PHF21A: variants seen among roughly 807,000 people sequenced by gnomAD.
The protein encoded by PHF21A is BHC80a.
In PHF21A, 11 loss-of-function variants were observed where a neutral mutation model predicts 82.5. The ratio of observed to expected loss-of-function variants is 0.13; its 90% CI spans 0.08 to 0.22. The LOEUF (loss-of-function observed/expected upper bound fraction) is 0.22. Ranked by LOEUF, PHF21A falls within the 10% of genes least tolerant of loss-of-function variation. The pLI is 1.00. For synonymous variants in PHF21A, 297 were observed against 302.8 expected, an observed-to-expected ratio of 0.98 and a Z score of 0.20; for missense variants, 579 against 837.8, an observed-to-expected ratio of 0.69 and a Z score of 3.81.
chr11:46,064,086 AT>A (rs1257393321), intron 6 of PHF21A, among the ~76,000 whole-genome samples: 2 of 152,196 alleles, frequency 1.3e-5, no homozygotes, highest in Non-Finnish European at 2.9e-5. Context: ...GGGTAAGTTC[AT>A]TTGTGCTTCT....
Position 45,953,569 on chromosome 11 carries a change from G to A in PHF21A, c.1053C>T (p.Thr351=), listed in dbSNP as rs768842505. The change falls in exon 11 of 19, where the codon ACC becomes ACT. Residue 351 remains threonine (T), a synonymous_variant. Coordinates refer to ENST00000676320, the MANE Select transcript of PHF21A (RefSeq NM_001352027.3). ...DEKQTESRTI[T]PPAAPKPKRE... Reference sequence around the variant, plus strand: ...GTTTTGGTTTGGGTGCAGCAGGTGGGGTGATGGTGCGGCTCTCTGTTTGTT... The same window carrying A: ...GTTTTGGTTTGGGTGCAGCAGGTGGAGTGATGGTGCGGCTCTCTGTTTGTT... The A allele has an allele frequency of 3.7e-6, 6 of 1,613,968 alleles. No individual in the cohort carries two copies.
Position 45,945,983 on chromosome 11 carries a change from C to G in PHF21A, c.1309G>C (p.Ala437Pro). The G allele has an allele frequency of 6.2e-7, 1 of 1,613,686 alleles. No individual in the cohort carries two copies. Among genetic ancestry groups the G allele is most frequent in the Admixed American group, 1.7e-5 (1 of 59,986 alleles). Residue 437 changes from alanine to proline, a missense_variant, in exon 15 of 19, where the codon GCA becomes CCA. Ala to Pro is a conservative substitution (Grantham distance 27). Around this residue, in one of 3 missense-constraint regions of PHF21A, gnomAD observed 410 missense variants for 642.1 expected, o/e 0.64. Transcript: ENST00000676320. ...GTAAGGGCTCCAAACCCCAGCACTG[C>G]ATTGTATTTTGGAGGACGACCTATA... Reference protein sequence around the residue: ...RKRGRPPKYNAVLGFGALTPT... With the variant: ...RKRGRPPKYNPVLGFGALTPT...
At chr11:46,018,413 A>G (rs151079931) in intron 6 of PHF21A, among the ~76,000 whole-genome samples, 4 of 152,332 alleles carry the variant, frequency 2.6e-5, no homozygotes, top group Non-Finnish European at 5.9e-5. Context: ...TAGTATTAAC[A>G]CTTAGCCTCT....
At chr11:46,116,505 G>A (rs768192823) in intron 1 of PHF21A, 3 of 150,114 alleles carry the variant, frequency 2.0e-5, no homozygotes, top group Non-Finnish European at 3.0e-5. Flanking sequence ...ATGGAGAAAT[G>A]AAGAAAAACT....
chr11:45,939,295 A>G (rs1024054661), intron 15 of PHF21A, among the ~76,000 whole-genome samples: 1 of 152,252 alleles, frequency 6.6e-6, no homozygotes, highest in East Asian at 1.9e-4. Flanking sequence ...GTGTTTCACA[A>G]TATGATACAA....
intron 1 of PHF21A, among the ~76,000 whole-genome samples, chr11:46,092,747 G>C (rs990708466): frequency 5.0e-5 from 7 of 139,898 alleles, no homozygotes; most frequent in East Asian, 4.0e-4. Context: ...CACATTCTTA[G>C]ATGTGTCTCA....
chr11:45,965,003 TAC>T (rs1375452692), intron 10 of PHF21A, among the ~76,000 whole-genome samples: 1 of 152,224 alleles, frequency 6.6e-6, no homozygotes, highest in Admixed American at 6.5e-5. Context: ...TTCTGTTTAC[TAC>T]CTCATCTGTG....
intron 6 of PHF21A, among the ~76,000 whole-genome samples, chr11:46,072,448 T>C (rs976822382): frequency 1.3e-5 from 2 of 152,224 alleles, no homozygotes; most frequent in African/African-American, 2.4e-5. Context: ...ATGCTGAGAA[T>C]GGCAGAGCAA....
chr11:45,963,211 G>C (rs2093218881), intron 10 of PHF21A, among the ~76,000 whole-genome samples: 1 of 151,952 alleles, frequency 6.6e-6, no homozygotes, highest in Non-Finnish European at 1.5e-5. Flanking sequence ...CCTGAGGTCA[G>C]GAGTCTGAGA....
intron 3 of PHF21A, among the ~76,000 whole-genome samples, chr11:46,085,534 G>C (rs562542900): frequency 4.6e-5 from 7 of 152,174 alleles, no homozygotes; most frequent in East Asian, 3.9e-4. Flanking sequence ...GTCTGTTTTT[G>C]CCTGAATAAA....
intron 1 of PHF21A, among the ~76,000 whole-genome samples, chr11:46,106,797 G>C (rs1473801117): frequency 2.6e-5 from 4 of 152,212 alleles, no homozygotes; most frequent in Non-Finnish European, 5.9e-5. Context: ...GGGAGTAGAA[G>C]CTATCAGGGC....
At chr11:45,965,272 C>T (rs374565849) in intron 10 of PHF21A, 43 bp downstream of exon 10, 13 of 1,573,036 alleles carry the variant, frequency 8.3e-6, no homozygotes, top group Admixed American at 7.0e-5. Context: ...TATGCCTCAA[C>T]GACAAGGCTA....
chr11:46,094,310 T>A (rs1465369543), intron 1 of PHF21A, among the ~76,000 whole-genome samples: 1 of 152,172 alleles, frequency 6.6e-6, no homozygotes, highest in East Asian at 1.9e-4. Flanking sequence ...GTCATGAAAC[T>A]GCTCATAAGA....
At chr11:45,938,526 T>C (rs538358206) in intron 15 of PHF21A, among the ~76,000 whole-genome samples, 2 of 152,142 alleles carry the variant, frequency 1.3e-5, no homozygotes, top group African/African-American at 4.8e-5. Context: ...AGTCCCCCCT[T>C]ATCCTTGGGG....
chr11:46,058,509 T>C (rs893838048), intron 6 of PHF21A, among the ~76,000 whole-genome samples: 35 of 152,218 alleles, frequency 2.3e-4, no homozygotes, highest in African/African-American at 8.2e-4. Context: ...TGATAATTAT[T>C]TGCCAAATGA....
At chr11:45,953,419 A>G (rs2092355541) in intron 11 of PHF21A, 108 bp downstream of exon 11, 1 of 719,690 alleles carries the variant, frequency 1.4e-6, no homozygotes, top group Admixed American at 2.3e-5. Flanking sequence ...GCATAAGAAA[A>G]TGAACATCGA....
At chr11:46,016,636 CAT>C (rs1371028570) in intron 6 of PHF21A, among the ~76,000 whole-genome samples, 1 of 152,112 alleles carries the variant, frequency 6.6e-6, no homozygotes, top group Non-Finnish European at 1.5e-5. Flanking sequence ...TAAAATGGCA[CAT>C]GACATAATCT....
intron 1 of PHF21A, among the ~76,000 whole-genome samples, chr11:46,109,591 C>T (rs556592270): frequency 1.8e-3 from 280 of 152,220 alleles, no homozygotes; most frequent in African/African-American, 6.3e-3. Context: ...CATGACAACA[C>T]ACCAGTACAT....
chr11:45,950,529 AAAAAAAAAAAATCGC>A (rs2091961962), intron 11 of PHF21A, among the ~76,000 whole-genome samples: 1 of 88,928 alleles, frequency 1.1e-5, no homozygotes, highest in Non-Finnish European at 2.6e-5. Flanking sequence ...GATGAGCTTC[AAAAAAAAAAAATCGC>A]AAAAAAAACT....
Sources: gnomAD v4.1 joint callset for allele counts (sites outside exome capture counted in the v4.1 genomes callset) on GRCh38, gnomAD v4.1.1 for gene constraint, gnomAD v4.1.1 regional missense constraint, MANE v1.5 for transcripts, NCBI Gene and HGNC (gene_info 2026-07-23, HGNC 2026-07-21) for gene names.